The following SMOC2 variants were observed in gnomAD, a reference collection of about 807,000 sequenced individuals.
SMOC2 encodes SPARC-related modular calcium-binding protein 2.
Under a neutral mutation model 61.4 loss-of-function variants are expected in SMOC2, and 39 were observed. That is an observed-to-expected ratio of 0.64 (90% confidence interval 0.49 to 0.83). The LOEUF (loss-of-function observed/expected upper bound fraction) is 0.83, where lower values mean the gene tolerates loss of function less well. Ranked by LOEUF, SMOC2 falls within the 40% of genes least tolerant of loss-of-function variation. SMOC2 has a pLI of 0.00. For missense variants in SMOC2, 556 were observed against 592.9 expected (o/e 0.94, Z 0.65); for synonymous variants, 247 against 239.9 (o/e 1.03, Z -0.27).
At chr6:168,516,046 C>T (rs1003233414) in intron 2 of SMOC2, among the ~76,000 whole-genome samples, 4 of 152,156 alleles carry the variant, frequency 2.6e-5, no homozygotes, top group African/African-American at 9.7e-5. Context: ...CTGTCTTTAG[C>T]ATTTTGGGGG....
chr6:168,558,465 C>G (rs1393674446), intron 7 of SMOC2, among the ~76,000 whole-genome samples: 2 of 152,224 alleles, frequency 1.3e-5, no homozygotes, highest in African/African-American at 2.4e-5. Flanking sequence ...CTGGGAGCCT[C>G]CCTGGTCCCT....
At position 168,475,247 on chromosome 6, in the gene SMOC2, T is replaced by C. The variant is rs1157165677; in HGVS notation, c.84+33793T>C. Among the ~76,000 whole-genome samples, 1 of 152,062 alleles carries C rather than the reference T, an allele frequency of 6.6e-6. No individual in the cohort carries two copies. Among genetic ancestry groups the C allele is most frequent in the Non-Finnish European group, 1.5e-5 (1 of 67,986 alleles). On this transcript the variant is annotated intron_variant, in intron 1 of 12. Transcript: ENST00000356284. This position sits in a 1 kb window ranked among gnomAD's most constrained non-coding sequence, Gnocchi z 4.6. ...TTTGGAGAAGCTAAACTTTGAAGTGTGTGGAAGGCAGCTTGGATAGTCCTG... is the reference window on the plus strand; with the variant it reads ...TTTGGAGAAGCTAAACTTTGAAGTGCGTGGAAGGCAGCTTGGATAGTCCTG...
At position 168,508,675 on chromosome 6, in the gene SMOC2, G is replaced by C. The variant is rs369427468; in HGVS notation, c.85-1240G>C. On this transcript the variant is annotated intron_variant, in intron 1 of 12. Transcript: ENST00000356284. ...TGTTGATGAGGGCCCCCCAGCTTCT[G>C]CTGAACCTCAACCCTATTTTCCCCC... Among the ~76,000 whole-genome samples, 46 of 152,296 alleles carry C rather than the reference G, an allele frequency of 3.0e-4. No individual in the cohort carries two copies. The East Asian group carries it at 5.2e-3, about 17-fold the overall frequency.
intron 11 of SMOC2, among the ~76,000 whole-genome samples, chr6:168,658,016 G>A (rs1395247221): frequency 6.6e-6 from 1 of 152,126 alleles, no homozygotes; most frequent in African/African-American, 2.4e-5. Context: ...CCCTGCTCAG[G>A]ATCCCAGAAG....
chr6:168,663,590 A>AT (rs5881809), intron 11 of SMOC2, among the ~76,000 whole-genome samples: 28,661 of 152,096 alleles, frequency 0.19, 3,013 homozygotes, highest in African/African-American at 0.28. Flanking sequence ...GAGAATCTGT[A>AT]TGTTAGAAAG....
At chr6:168,505,337 G>A (rs1782847443) in intron 1 of SMOC2, among the ~76,000 whole-genome samples, 1 of 152,086 alleles carries the variant, frequency 6.6e-6, no homozygotes. Flanking sequence ...TGAATGAAAT[G>A]TCCATCTCTC....
intron 7 of SMOC2, among the ~76,000 whole-genome samples, chr6:168,588,649 G>A (rs549512806): frequency 9.9e-5 from 15 of 152,220 alleles, no homozygotes; most frequent in Non-Finnish European, 2.1e-4. Context: ...GAGTGGCCAG[G>A]TTGGGGCTGA....
chr6:168,613,742 G>GGTGCCTCTTCACATCTACAGCCAGCACA, intron 9 of SMOC2, among the ~76,000 whole-genome samples: 1 of 65,676 alleles, frequency 1.5e-5, no homozygotes, highest in African/African-American at 5.6e-5. Flanking sequence ...GCCAGCACAG[G>GGTGCCTCTTCACATCTACAGCCAGCACA]GGGCCTCTTC....
At chr6:168,487,638 A>G (rs1782365645) in intron 1 of SMOC2, among the ~76,000 whole-genome samples, 2 of 152,058 alleles carry the variant, frequency 1.3e-5, no homozygotes, top group South Asian at 4.2e-4. Context: ...CCAAGTAGCT[A>G]GGATTACAGG....
At chr6:168,501,722 T>C (rs935669259) in intron 1 of SMOC2, among the ~76,000 whole-genome samples, 2 of 152,250 alleles carry the variant, frequency 1.3e-5, no homozygotes, top group Non-Finnish European at 2.9e-5. Flanking sequence ...GGGCTCCTGC[T>C]TTCCTCTGGG....
intron 11 of SMOC2, among the ~76,000 whole-genome samples, chr6:168,655,849 G>A (rs1226325434): frequency 6.6e-6 from 1 of 151,924 alleles, no homozygotes; most frequent in African/African-American, 2.4e-5. Context: ...CTGCACGTAT[G>A]TGCTCGATCC....
At chr6:168,514,059 T>G (rs1346661337) in intron 2 of SMOC2, among the ~76,000 whole-genome samples, 5 of 152,194 alleles carry the variant, frequency 3.3e-5, no homozygotes, top group Admixed American at 3.3e-4. Context: ...ATGGGACTTC[T>G]CCAGAGCCCA....
At chr6:168,512,656 G>T (rs569056812) in intron 2 of SMOC2, among the ~76,000 whole-genome samples, 2 of 152,316 alleles carry the variant, frequency 1.3e-5, no homozygotes, top group South Asian at 4.1e-4. Context: ...CACAGCTTGT[G>T]GCCTGGAATG....
chr6:168,657,166 G>T (rs552709276), intron 11 of SMOC2, among the ~76,000 whole-genome samples: 1 of 152,374 alleles, frequency 6.6e-6, no homozygotes, highest in South Asian at 2.1e-4. Context: ...CAAGGCTCAT[G>T]ATCCAATATC....
chr6:168,624,519 C>T (rs1318171217), intron 9 of SMOC2, among the ~76,000 whole-genome samples: 1 of 151,346 alleles, frequency 6.6e-6, no homozygotes, highest in Non-Finnish European at 1.5e-5. Flanking sequence ...ACACAGATGA[C>T]AACAATACAG....
intron 2 of SMOC2, among the ~76,000 whole-genome samples, chr6:168,524,479 C>T (rs746511402): frequency 1.4e-4 from 22 of 152,220 alleles, no homozygotes; most frequent in East Asian, 3.8e-4. Context: ...AAGAAGTCCA[C>T]GCCAAGAATG....
At chr6:168,507,588 C>T (rs564309635) in intron 1 of SMOC2, among the ~76,000 whole-genome samples, 14 of 152,350 alleles carry the variant, frequency 9.2e-5, no homozygotes, top group East Asian at 5.8e-4. Flanking sequence ...AGCTGCCTGC[C>T]CCCGGGGCGC....
chr6:168,606,109 A>G (rs570008129), intron 8 of SMOC2, among the ~76,000 whole-genome samples: 1 of 152,244 alleles, frequency 6.6e-6, no homozygotes, highest in African/African-American at 2.4e-5. Context: ...AGAGCTTCCT[A>G]ATCCCTCAGG....
At position 168,547,099 on chromosome 6, in the gene SMOC2, C is replaced by G; in HGVS notation, c.512-20C>G. 1 of 1,614,102 alleles carries G rather than the reference C, an allele frequency of 6.2e-7. No homozygotes were observed. Among genetic ancestry groups the G allele is most frequent in the Non-Finnish European group, 8.5e-7 (1 of 1,180,006 alleles). Reference sequence around the variant, plus strand: ...TCATAATTGTAGTCTCCTTGCAAATCTTTTCCGTTCTGAATTCAGATGATG... The same window carrying G: ...TCATAATTGTAGTCTCCTTGCAAATGTTTTCCGTTCTGAATTCAGATGATG... On this transcript the variant is annotated intron_variant, in intron 5 of 12. Coordinates refer to ENST00000356284, the MANE Select transcript of SMOC2 (RefSeq NM_001166412.2).
Sources: allele counts gnomAD v4.1 joint callset (sites outside exome capture counted in the v4.1 genomes callset), GRCh38; gene constraint gnomAD v4.1.1; non-coding constraint Gnocchi (gnomAD v3.1); transcripts MANE v1.5; gene names NCBI Gene and HGNC (gene_info 2026-07-23, HGNC 2026-07-21).